The following KSR2 variants were observed in gnomAD, a reference collection of about 807,000 sequenced individuals.
The protein encoded by KSR2 is kinase suppressor of ras 2.
KSR2 carries 25 observed loss-of-function variants against 107.8 expected under a neutral mutation model. The observed-to-expected ratio is 0.23, with a 90% CI of 0.17 to 0.32. The LOEUF (loss-of-function observed/expected upper bound fraction) is 0.32, where lower values mean the gene tolerates loss of function less well. Ranked by LOEUF, KSR2 falls within the 10% of genes least tolerant of loss-of-function variation. The pLI is 1.00. For synonymous variants in KSR2, 480 were observed against 507.0 expected (o/e 0.95, Z 0.71); for missense variants, 887 against 1,268.9 (o/e 0.70, Z 4.57).
intron 15 of KSR2, among the ~76,000 whole-genome samples, chr12:117,485,119 T>C (rs1221829043): frequency 6.6e-6 from 1 of 152,040 alleles, no homozygotes; most frequent in Non-Finnish European, 1.5e-5. Flanking sequence ...CACCTCCAAA[T>C]GAGAAATAAA....
chr12:117,676,200 T>C (rs775592449), intron 4 of KSR2, among the ~76,000 whole-genome samples: 3 of 152,222 alleles, frequency 2.0e-5, no homozygotes, highest in Non-Finnish European at 4.4e-5. Flanking sequence ...ATCTGCTCTG[T>C]TATTGGCCAC....
chr12:117,946,408 T>C (rs183008297), intron 1 of KSR2, among the ~76,000 whole-genome samples: 1 of 152,234 alleles, frequency 6.6e-6, no homozygotes, highest in African/African-American at 2.4e-5. Flanking sequence ...AGTATCACCA[T>C]AGACCCCGTG....
intron 3 of KSR2, among the ~76,000 whole-genome samples, chr12:117,770,909 G>A (rs558940960): frequency 1.2e-3 from 178 of 149,952 alleles, no homozygotes; most frequent in African/African-American, 4.2e-3. Context: ...CCCGGGAGGC[G>A]GAGCTTGCAG....
intron 8 of KSR2, among the ~76,000 whole-genome samples, chr12:117,556,677 C>T (rs909045105): frequency 3.3e-5 from 5 of 151,904 alleles, no homozygotes; most frequent in South Asian, 4.2e-4. Flanking sequence ...GAATATCCAC[C>T]GATCAAGGCC....
chr12:117,851,019 A>T (rs1293293908), intron 3 of KSR2, among the ~76,000 whole-genome samples: 1 of 152,208 alleles, frequency 6.6e-6, no homozygotes, highest in Non-Finnish European at 1.5e-5. Context: ...CACCTGCAGG[A>T]ACAGCATACG....
At chr12:117,615,645 C>T (rs1881837010) in intron 5 of KSR2, among the ~76,000 whole-genome samples, 2 of 152,154 alleles carry the variant, frequency 1.3e-5, no homozygotes, top group Admixed American at 6.5e-5. Flanking sequence ...CCAGCACCAA[C>T]TTGCCATCCA....
At chr12:117,778,884 C>G (rs1474268620) in intron 3 of KSR2, among the ~76,000 whole-genome samples, 1 of 152,206 alleles carries the variant, frequency 6.6e-6, no homozygotes, top group Non-Finnish European at 1.5e-5. Flanking sequence ...GTTTTATAAC[C>G]TCTTGTGTTG....
chr12:117,492,675 C>T (rs1488789386), intron 14 of KSR2, among the ~76,000 whole-genome samples: 2 of 152,224 alleles, frequency 1.3e-5, no homozygotes, highest in African/African-American at 2.4e-5. Context: ...TTGAGTCATA[C>T]TCTTGAGATA....
In KSR2 at chr12:117,539,693, T is replaced by C. The variant is rs539294546; in HGVS notation, c.1687+26A>G. The C allele has an allele frequency of 4.8e-4, 764 of 1,581,842 alleles. 12 individuals are homozygous for C. The South Asian group carries it at 8.2e-3, about 17-fold the overall frequency. On this transcript the variant is annotated intron_variant, in intron 10 of 19. Coordinates refer to ENST00000339824, the MANE Select transcript of KSR2 (RefSeq NM_173598.6). ...CTCTGCCCCTCCAACGCTGCACCCC[T>C]CATGTCTCCCCAAGCATGGAGGTAC... is the stretch of plus-strand genomic sequence containing the variant.
At position 117,461,678 on chromosome 12, in the gene KSR2, G is replaced by T; in HGVS notation, c.*5521C>A. ...GGTTCACTGCGGCTCCACATTCCAGGACCCAGACTGACATTTGCTGCCTGT... is the reference window on the plus strand; with the variant it reads ...GGTTCACTGCGGCTCCACATTCCAGTACCCAGACTGACATTTGCTGCCTGT... On this transcript the variant is annotated 3_prime_UTR_variant, in exon 20 of 20. Transcript: ENST00000339824. 5.6e-6 allele frequency: 1 copy of T among 177,264 alleles called. No individual in the cohort carries two copies. Among genetic ancestry groups the T allele is most frequent in the South Asian group, 1.5e-4 (1 of 6,484 alleles). The allele number at this position is 177,264 out of a possible 1,614,324, so 11.0% of individuals were successfully genotyped here.
chr12:117,574,662 T>C (rs1329134954), intron 7 of KSR2, among the ~76,000 whole-genome samples: 2 of 152,082 alleles, frequency 1.3e-5, no homozygotes, highest in Non-Finnish European at 2.9e-5. Context: ...GAGCTACAAT[T>C]CAAGATGAGA....
intron 3 of KSR2, among the ~76,000 whole-genome samples, chr12:117,839,550 G>T: frequency 6.6e-6 from 1 of 152,162 alleles, no homozygotes; most frequent in East Asian, 1.9e-4. Context: ...ATATTTTATC[G>T]TTATTATTTT....
chr12:117,494,685 G>A lies in KSR2; in HGVS notation c.2220-8994C>T, dbSNP rs115018197. Among the ~76,000 whole-genome samples, 739 of 152,292 alleles carry A rather than the reference G, an allele frequency of 4.9e-3. 6 individuals are homozygous for A. Among genetic ancestry groups the A allele is most frequent in the African/African-American group, 0.017 (700 of 41,554 alleles). ...AGCTGAAGGTCTAGTGGAGAAGGAA[G>A]GCAATAAACAAATAAATGAGACTTC... On this transcript the variant is annotated intron_variant, in intron 14 of 19. Coordinates refer to ENST00000339824, the MANE Select transcript of KSR2 (RefSeq NM_173598.6).
chr12:117,600,449 C>T (rs1428576771), intron 5 of KSR2, among the ~76,000 whole-genome samples: 1 of 152,194 alleles, frequency 6.6e-6, no homozygotes, highest in Non-Finnish European at 1.5e-5. Flanking sequence ...GAATGCGTCC[C>T]TGGACCACGC....
At chr12:117,966,602 C>G (rs976183347) in intron 1 of KSR2, among the ~76,000 whole-genome samples, 3 of 127,704 alleles carry the variant, frequency 2.3e-5, no homozygotes, top group Non-Finnish European at 3.2e-5. Context: ...TGTTCTCTCT[C>G]TCTCTCTCTC....
At chr12:117,714,239 G>T (rs1886896258) in intron 4 of KSR2, among the ~76,000 whole-genome samples, 2 of 152,116 alleles carry the variant, frequency 1.3e-5, no homozygotes, top group South Asian at 4.1e-4. Context: ...ATGATAAACT[G>T]CACCGTTCTC....
intron 14 of KSR2, among the ~76,000 whole-genome samples, chr12:117,490,512 A>G (rs1216586147): frequency 1.3e-5 from 2 of 152,204 alleles, no homozygotes; most frequent in Non-Finnish European, 2.9e-5. Flanking sequence ...TTGACAGATC[A>G]TAGTTTCATT....
intron 3 of KSR2, among the ~76,000 whole-genome samples, chr12:117,770,082 T>C (rs1296510915): frequency 6.6e-6 from 1 of 151,954 alleles, no homozygotes; most frequent in Non-Finnish European, 1.5e-5. Context: ...CATCCAGTCC[T>C]TATTCCTGGT....
At position 117,539,976 on chromosome 12, in the gene KSR2, C is replaced by T. The variant is rs116118627; in HGVS notation, c.1519-89G>A. 718 of 1,092,164 alleles carry T rather than the reference C, an allele frequency of 6.6e-4. 4 individuals carry two copies. In the African/African-American group the frequency reaches 0.01, roughly 16 times the overall value. 67.7% of individuals were successfully genotyped at this position (1,092,164 alleles called of 1,614,324 possible). A position where few individuals can be genotyped will look rare whatever the true frequency, so the allele number is the denominator to read the frequency against. ...GTGGGCTGAGCAGGAGAGGCCCCCA[C>T]CCCAGCCCCTGCAACAATTCTTGCC... is the stretch of plus-strand genomic sequence containing the variant. On this transcript the variant is annotated intron_variant, in intron 9 of 19. Transcript: ENST00000339824.
Sources: gnomAD v4.1 joint callset for allele counts (sites outside exome capture counted in the v4.1 genomes callset) on GRCh38, gnomAD v4.1.1 for gene constraint, MANE v1.5 for transcripts, NCBI Gene and HGNC (gene_info 2026-07-23, HGNC 2026-07-21) for gene names.